The following AKAP1 variants were observed in gnomAD, a reference collection of about 807,000 sequenced individuals.
The protein encoded by AKAP1 is A-kinase anchoring protein 1.
In AKAP1, 32 loss-of-function variants were observed where a neutral mutation model predicts 79.8. The observed-to-expected ratio is 0.40, with a 90% CI of 0.30 to 0.54. The LOEUF (loss-of-function observed/expected upper bound fraction) is 0.54, where lower values mean the gene tolerates loss of function less well. Among genes scored for constraint, AKAP1 ranks in the 20% least tolerant of loss-of-function variants. The pLI is 0.47. For missense variants in AKAP1, 961 were observed against 1,138.9 expected (o/e 0.84, Z 2.25); for synonymous variants, 416 against 466.7 (o/e 0.89, Z 1.40).
Position 57,116,225 on chromosome 17 carries a change from A to G in AKAP1, c.2396A>G (p.Tyr799Cys). The G allele has an allele frequency of 1.2e-6, 2 of 1,614,186 alleles. No individual in the cohort carries two copies. The highest frequency in any genetic ancestry group is 1.7e-6 in the Non-Finnish European group (2 of 1,180,034). ...ATTCGATACGTGGACTACGGCGGAT[A>G]TAAGAGGGTGAAAGTAGACGTGCTC... ...VEIRYVDYGG[Y>C]KRVKVDVLRQ... The change falls in exon 7 of 11, where the codon TAT becomes TGT. Residue 799 changes from tyrosine to cysteine, a missense_variant. By Grantham distance (194) the Tyr-to-Cys change is radical. Coordinates refer to ENST00000337714, the MANE Select transcript of AKAP1 (RefSeq NM_003488.4).
At chr17:57,115,544 A>T (rs908134877) in intron 6 of AKAP1, among the ~76,000 whole-genome samples, 3 of 152,084 alleles carry the variant, frequency 2.0e-5, no homozygotes, top group African/African-American at 7.2e-5. Context: ...TCTGACCCAC[A>T]GTGGGTTAGT....
At chr17:57,089,268 C>G (rs763707234) in intron 1 of AKAP1, among the ~76,000 whole-genome samples, 3 of 151,944 alleles carry the variant, frequency 2.0e-5, no homozygotes, top group Non-Finnish European at 4.4e-5. Context: ...TAGTACATGT[C>G]AAAGACTTAA....
chr17:57,112,749 C>A, intron 5 of AKAP1, 131 bp downstream of exon 5: 1 of 1,314,478 alleles, frequency 7.6e-7, no homozygotes, highest in Non-Finnish European at 1.0e-6. Flanking sequence ...CTTCTCTGGC[C>A]TCTGCTGGTC....
At chr17:57,108,175 C>T (rs1915015610) in intron 2 of AKAP1, 2 of 366,214 alleles carry the variant, frequency 5.5e-6, no homozygotes, top group South Asian at 6.5e-5. Flanking sequence ...CCTCCCATTT[C>T]AGCTCCGGGT....
chr17:57,111,488 A>G (rs945374922), intron 3 of AKAP1, among the ~76,000 whole-genome samples: 2 of 152,140 alleles, frequency 1.3e-5, no homozygotes, highest in African/African-American at 4.8e-5. Flanking sequence ...TTGGGATGAA[A>G]TGGGAACTGC....
intron 3 of AKAP1, among the ~76,000 whole-genome samples, chr17:57,111,042 C>G (rs1915211587): frequency 6.6e-6 from 1 of 152,118 alleles, no homozygotes; most frequent in South Asian, 2.1e-4. Context: ...GTGGTTTCCT[C>G]CCTGGGGGGC....
intron 1 of AKAP1, among the ~76,000 whole-genome samples, chr17:57,099,249 A>C (rs1054557876): frequency 1.3e-5 from 2 of 152,122 alleles, no homozygotes; most frequent in Admixed American, 1.3e-4. Flanking sequence ...AAGGAAAAAA[A>C]CACATCTTCC....
chr17:57,113,217 G>C (rs1421242265), intron 5 of AKAP1, among the ~76,000 whole-genome samples: 1 of 152,236 alleles, frequency 6.6e-6, no homozygotes, highest in Non-Finnish European at 1.5e-5. Context: ...GCTGCTGACT[G>C]CAGGGTCTCT....
Position 57,086,967 on chromosome 17 carries a change from T to C in AKAP1, c.-25+1569T>C, listed in dbSNP as rs944808558. Among the ~76,000 whole-genome samples the C allele has an allele frequency of 6.6e-6, 1 of 152,208 alleles. No homozygotes were observed. Among genetic ancestry groups the C allele is most frequent in the East Asian group, 1.9e-4 (1 of 5,202 alleles). The stretch of plus-strand genomic sequence containing the variant: ...ATTGAAGTGGTTCACCTGCTGATTA[T>C]TTAAGACCCTGAGCACTGGAAGCAA... On this transcript the variant is annotated intron_variant, in intron 1 of 10. Coordinates refer to ENST00000337714, the MANE Select transcript of AKAP1 (RefSeq NM_003488.4). This position sits in a 1 kb window ranked among gnomAD's most constrained non-coding sequence, Gnocchi z 5.1.
intron 1 of AKAP1, among the ~76,000 whole-genome samples, chr17:57,097,027 A>C (rs1000677607): frequency 2.6e-5 from 4 of 151,578 alleles, no homozygotes; most frequent in African/African-American, 9.7e-5. Context: ...GACCTACTCT[A>C]CTTTACCATG....
In AKAP1 at chr17:57,105,954, G is replaced by A. The variant is rs564092342; in HGVS notation, c.490G>A (p.Val164Met). The change falls in exon 2 of 11, where the codon GTG becomes ATG. Residue 164 changes from valine to methionine, a missense_variant. Val to Met is a conservative substitution (Grantham distance 21). Transcript: ENST00000337714. ...ACTATTCTCCAGCAAATCAGCTGAG[G>A]TGTGTAAGCAAGATTCCCCCTTCAG... is the stretch of plus-strand genomic sequence containing the variant. ...GVLFSSKSAEVCKQDSPFSRV... is the reference protein window; with the variant it reads ...GVLFSSKSAEMCKQDSPFSRV... 2 of 1,614,226 alleles carry A rather than the reference G, an allele frequency of 1.2e-6. No homozygotes were observed. Among genetic ancestry groups the A allele is most frequent in the African/African-American group, 1.3e-5 (1 of 75,058 alleles).
rs1242504323 is a variant in AKAP1 at position 57,121,252 on chromosome 17, G to C, written c.*928G>C. Reference sequence around the variant, plus strand: ...AAAAAGTAACTCATTGAATTAACTTGCAGTGGTGTGTTTGATTCTTTTTTA... The same window carrying C: ...AAAAAGTAACTCATTGAATTAACTTCCAGTGGTGTGTTTGATTCTTTTTTA... On this transcript the variant is annotated 3_prime_UTR_variant, in exon 11 of 11. Coordinates refer to ENST00000337714, the MANE Select transcript of AKAP1 (RefSeq NM_003488.4). 1 of 151,920 alleles carries C rather than the reference G, an allele frequency of 6.6e-6. No individual in the cohort carries two copies. The highest frequency in any genetic ancestry group is 1.9e-4 in the East Asian group (1 of 5,188). 9.4% of individuals were successfully genotyped at this position (151,920 alleles called of 1,614,324 possible). A position where few individuals can be genotyped will look rare whatever the true frequency, so the allele number is the denominator to read the frequency against.
intron 1 of AKAP1, among the ~76,000 whole-genome samples, chr17:57,091,679 A>ATTATTTATTTATTTATTTATTTATTTAT (rs368217273): frequency 3.3e-5 from 5 of 150,778 alleles, no homozygotes; most frequent in African/African-American, 1.2e-4. Context: ...CATTAAAAAC[A>ATTATTTATTTATTTATTTATTTATTTAT]TTATTTATTT....
intron 10 of AKAP1, among the ~76,000 whole-genome samples, 197 bp downstream of exon 10, chr17:57,119,241 C>T (rs913153384): frequency 6.6e-6 from 1 of 152,080 alleles, no homozygotes; most frequent in Admixed American, 6.6e-5. Context: ...GCCAAGGATG[C>T]CACTAAACAT....
Position 57,107,437 on chromosome 17 carries a change from A to G in AKAP1, c.1714+259A>G, listed in dbSNP as rs576029645. ...GACCTTCCCCAGTGAGCCCTTCCCA[A>G]GGAACTAGCGCCAAGTTGGGCTCGC... On this transcript the variant is annotated intron_variant, in intron 2 of 10. Transcript: ENST00000337714. Among the ~76,000 whole-genome samples the G allele has an allele frequency of 3.9e-5, 6 of 152,274 alleles. No individual in the cohort carries two copies. In the East Asian group the frequency reaches 7.7e-4, roughly 20 times the overall value.
Position 57,105,906 on chromosome 17 carries a change from C to T in AKAP1, c.442C>T (p.Pro148Ser). 2 of 1,614,204 alleles carry T rather than the reference C, an allele frequency of 1.2e-6. No homozygotes were observed. Among genetic ancestry groups the T allele is most frequent in the Non-Finnish European group, 1.7e-6 (2 of 1,180,042 alleles). Residue 148 changes from proline (P) to serine (S), a missense_variant, in exon 2 of 11, where the codon CCC becomes TCC. This residue lies in a region of AKAP1 where 224 missense variants were observed against 210.2 expected (regional missense o/e 1.07). Coordinates refer to ENST00000337714, the MANE Select transcript of AKAP1 (RefSeq NM_003488.4). The part of the protein sequence containing the change: ...GEAKSIPLEC[P>S]LSSPKGVLFS... ...AGCCAAATCGATTCCTCTAGAGTGC[C>T]CCCTTTCATCCCCAAAGGGTGTACT...
At chr17:57,105,407 A>G (rs1388537488) in intron 1 of AKAP1, 34 bp from the exon 2 acceptor site, 9 of 1,602,494 alleles carry the variant, frequency 5.6e-6, no homozygotes, top group Middle Eastern at 3.8e-4. Flanking sequence ...TGGCTCTGTA[A>G]CATCCCTCCT....
chr17:57,108,058 TC>T, intron 2 of AKAP1: 1 of 1,185,110 alleles, frequency 8.4e-7, no homozygotes, highest in East Asian at 7.6e-5. Flanking sequence ...GGTCAGCAGC[TC>T]CTGACCCTGC....
At chr17:57,109,972 C>A in intron 2 of AKAP1, 53 bp from the exon 3 acceptor site, 1 of 1,590,718 alleles carries the variant, frequency 6.3e-7, no homozygotes, top group South Asian at 1.1e-5. Flanking sequence ...TGGTTACTGG[C>A]TGCTCTGAGT....
Sources: allele counts gnomAD v4.1 joint callset (sites outside exome capture counted in the v4.1 genomes callset), GRCh38; gene constraint gnomAD v4.1.1; regional missense constraint gnomAD v4.1.1; non-coding constraint Gnocchi (gnomAD v3.1); transcripts MANE v1.5; gene names NCBI Gene and HGNC (gene_info 2026-07-23, HGNC 2026-07-21).